Variants in LHFPL2 observed in about 807,000 individuals in gnomAD.
LHFPL2 encodes the protein LHFPL tetraspan subfamily member 2 protein.
LHFPL2 carries 7 observed loss-of-function variants against 17.5 expected under a neutral mutation model. The observed-to-expected ratio is 0.40, with a 90% CI of 0.23 to 0.75. The LOEUF (loss-of-function observed/expected upper bound fraction) is 0.75. Among genes scored for constraint, LHFPL2 ranks in the 30% least tolerant of loss-of-function variants. LHFPL2 has a pLI of 0.37. For missense variants in LHFPL2, 241 were observed against 294.8 expected (o/e 0.82, Z 1.34); for synonymous variants, 134 against 116.2 (o/e 1.15, Z -0.99).
intron 2 of LHFPL2, among the ~76,000 whole-genome samples, chr5:78,622,175 G>T (rs1275660114): frequency 6.6e-6 from 1 of 152,082 alleles, no homozygotes; most frequent in East Asian, 1.9e-4. Context: ...TCAGGAGCAG[G>T]CTTCAAAAGC....
At chr5:78,634,799 T>C (rs1302729772) in intron 1 of LHFPL2, among the ~76,000 whole-genome samples, 2 of 152,230 alleles carry the variant, frequency 1.3e-5, no homozygotes, top group East Asian at 1.9e-4. Flanking sequence ...ACAGTTCTTA[T>C]CAATTTCTGC....
At chr5:78,511,681 C>T (rs1490461014) in intron 3 of LHFPL2, among the ~76,000 whole-genome samples, 1 of 152,104 alleles carries the variant, frequency 6.6e-6, no homozygotes, top group Non-Finnish European at 1.5e-5. Flanking sequence ...TTAAAATGCC[C>T]GTTTCTACAC....
At chr5:78,517,078 C>G (rs1755315344) in intron 3 of LHFPL2, among the ~76,000 whole-genome samples, 1 of 152,178 alleles carries the variant, frequency 6.6e-6, no homozygotes, top group Non-Finnish European at 1.5e-5. Flanking sequence ...TTGGCCACCC[C>G]AAATCTCAGG....
intron 2 of LHFPL2, among the ~76,000 whole-genome samples, chr5:78,619,494 T>C (rs1464700252): frequency 6.7e-6 from 1 of 149,268 alleles, no homozygotes; most frequent in Non-Finnish European, 1.5e-5. Flanking sequence ...TTTATATATA[T>C]ATATATTTAT....
chr5:78,529,035 T>C (rs1176341965), intron 3 of LHFPL2, among the ~76,000 whole-genome samples: 1 of 151,978 alleles, frequency 6.6e-6, no homozygotes, highest in Non-Finnish European at 1.5e-5. Flanking sequence ...ATCCCACCAC[T>C]TTGAGAGGCT....
At chr5:78,609,859 A>C (rs988025598) in intron 2 of LHFPL2, among the ~76,000 whole-genome samples, 2 of 148,560 alleles carry the variant, frequency 1.3e-5, no homozygotes, top group Admixed American at 6.7e-5. Context: ...AAAAAAAAAA[A>C]TTCTTTTTGT....
At chr5:78,609,243 G>A (rs929595118) in intron 2 of LHFPL2, among the ~76,000 whole-genome samples, 1 of 151,942 alleles carries the variant, frequency 6.6e-6, no homozygotes, top group African/African-American at 2.4e-5. Flanking sequence ...CTGAGGTCAG[G>A]AGTTCTAGAC....
rs1477967145 is a variant in LHFPL2 at position 78,488,118 on chromosome 5, C to T, written c.*779G>A. 6.6e-6 allele frequency: 1 copy of T among 152,176 alleles called. No individual in the cohort carries two copies. The highest frequency in any genetic ancestry group is 1.5e-5 in the Non-Finnish European group (1 of 68,060). The allele number at this position is 152,176 out of a possible 1,614,324, so 9.4% of individuals were successfully genotyped here. On this transcript the variant is annotated 3_prime_UTR_variant, in exon 5 of 5. Transcript: ENST00000380345. ...ACCTTAGAAGAAAAACATGTGATCT[C>T]CAGAAGAAGAGGAGACTGGGCCAGA...
chr5:78,578,332 C>T (rs540686582), intron 2 of LHFPL2, among the ~76,000 whole-genome samples: 14 of 152,212 alleles, frequency 9.2e-5, no homozygotes, highest in African/African-American at 3.1e-4. Context: ...GAAATATAAC[C>T]TCAGGGGCTG....
chr5:78,536,172 C>A (rs1000553209), intron 3 of LHFPL2, among the ~76,000 whole-genome samples: 1 of 152,102 alleles, frequency 6.6e-6, no homozygotes, highest in African/African-American at 2.4e-5. Context: ...GGATCAGAAA[C>A]AGCTAATGGG....
intron 3 of LHFPL2, among the ~76,000 whole-genome samples, chr5:78,547,805 T>C (rs2112387390): frequency 6.6e-6 from 1 of 152,330 alleles, no homozygotes; most frequent in Non-Finnish European, 1.5e-5. Flanking sequence ...AAGCATGACG[T>C]AGGTCTCACT....
chr5:78,603,899 G>C (rs754961221), intron 2 of LHFPL2, among the ~76,000 whole-genome samples: 7 of 152,174 alleles, frequency 4.6e-5, no homozygotes, highest in Non-Finnish European at 1.0e-4. Flanking sequence ...ATGTGGGCCA[G>C]GTGCAGTGGC....
chr5:78,521,256 A>G (rs898133933), intron 3 of LHFPL2, among the ~76,000 whole-genome samples: 2 of 152,230 alleles, frequency 1.3e-5, no homozygotes, highest in East Asian at 1.9e-4. Context: ...TCCTCAGTAA[A>G]TTATTAAAAT....
intron 2 of LHFPL2, among the ~76,000 whole-genome samples, chr5:78,569,414 T>C (rs1756939290): frequency 6.6e-6 from 1 of 152,204 alleles, no homozygotes; most frequent in Non-Finnish European, 1.5e-5. Flanking sequence ...CCACATACTA[T>C]GCACAAAGAG....
chr5:78,503,824 A>G (rs917303420), intron 4 of LHFPL2, among the ~76,000 whole-genome samples: 2 of 151,964 alleles, frequency 1.3e-5, no homozygotes, highest in Admixed American at 6.6e-5. Flanking sequence ...TTCCCTTTAT[A>G]TATTATTTAT....
chr5:78,645,712 A>T (rs954862163), intron 1 of LHFPL2, among the ~76,000 whole-genome samples: 6 of 152,094 alleles, frequency 3.9e-5, no homozygotes, highest in Admixed American at 6.5e-5. Flanking sequence ...CCTCCTGAGT[A>T]GCTGGGACTA....
chr5:78,624,545 A>G (rs1744964603), intron 2 of LHFPL2, among the ~76,000 whole-genome samples: 1 of 152,256 alleles, frequency 6.6e-6, no homozygotes, highest in African/African-American at 2.4e-5. Flanking sequence ...CCTAGCAAGC[A>G]GCAAGCAATA....
At chr5:78,644,368 AC>A in intron 1 of LHFPL2, 1 of 1,062,762 alleles carries the variant, frequency 9.4e-7, no homozygotes, top group Non-Finnish European at 1.4e-6. Flanking sequence ...CCTTTAGCTC[AC>A]TATGCAGCAA....
Position 78,631,362 on chromosome 5 carries a change from T to C in LHFPL2, c.-245+902A>G, listed in dbSNP as rs1337522476. ...CTCATGGCCACAGGTTGCCATTTAG[T>C]GCATTACTGCTCTGTGACCTAGCAT... On this transcript the variant is annotated intron_variant, in intron 2 of 4. Transcript: ENST00000380345. Among the ~76,000 whole-genome samples the C allele has an allele frequency of 2.8e-4, 42 of 152,330 alleles. 1 individual carries two copies. Among genetic ancestry groups the C allele is most frequent in the Non-Finnish European group, 2.9e-5 (2 of 68,024 alleles).
Sources: gnomAD v4.1 joint callset for allele counts (sites outside exome capture counted in the v4.1 genomes callset) on GRCh38, gnomAD v4.1.1 for gene constraint, MANE v1.5 for transcripts, NCBI Gene and HGNC (gene_info 2026-07-23, HGNC 2026-07-21) for gene names.